The following MEP1A variants were observed in gnomAD, a reference collection of about 807,000 sequenced individuals.
MEP1A encodes N-benzoyl-L-tyrosyl-P-amino-benzoic acid hydrolase subunit alpha.
In MEP1A, 68 loss-of-function variants were observed where a neutral mutation model predicts 84.5. The observed-to-expected ratio is 0.80, with a 90% confidence interval of 0.66 to 0.98. MEP1A has a LOEUF of 0.98. Ranked by LOEUF, MEP1A falls within the 50% of genes least tolerant of loss-of-function variation. The pLI, the probability that MEP1A is intolerant of heterozygous loss-of-function variation, is 0.00. For missense variants in MEP1A, 887 were observed against 919.9 expected (o/e 0.96, Z 0.46); for synonymous variants, 337 against 336.8 (o/e 1.00, Z -0.01).
rs140107189 is a variant in MEP1A, at chr6:46,829,485, G to A, written c.1058G>A (p.Ser353Asn). ...CLQFFYKMTGSPSDRLVVWVR... is the reference protein window; with the variant it reads ...CLQFFYKMTGNPSDRLVVWVR... ...CAATTTTTCTATAAAATGACGGGAA[G>A]TCCTTCAGACAGACTCGTTGTCTGG... Residue 353 changes from serine to asparagine, a missense_variant, in exon 10 of 14, where the codon AGT becomes AAT. By Grantham distance (46) the Ser-to-Asn change is conservative. Transcript: ENST00000230588. 1.2e-6 allele frequency: 2 copies of A among 1,614,096 alleles called. No individual in the cohort carries two copies. Among genetic ancestry groups the A allele is most frequent in the Non-Finnish European group, 1.7e-6 (2 of 1,180,038 alleles).
intron 6 of MEP1A, among the ~76,000 whole-genome samples, chr6:46,812,482 T>A (rs560603489): frequency 6.6e-6 from 1 of 152,186 alleles, no homozygotes; most frequent in East Asian, 1.9e-4. Context: ...TGTGCTCTGA[T>A]ATTTGTTGTT....
chr6:46,843,905 A>C (rs1768374962), downstream of MEP1A, among the ~76,000 whole-genome samples: 1 of 152,220 alleles, frequency 6.6e-6, no homozygotes, highest in Non-Finnish European at 1.5e-5. Context: ...TTAATAGCAG[A>C]ATCTATTATT....
intron 7 of MEP1A, among the ~76,000 whole-genome samples, chr6:46,820,945 C>T (rs1562111854): frequency 6.6e-6 from 1 of 152,032 alleles, no homozygotes; most frequent in South Asian, 2.1e-4. Context: ...CAAATAATAG[C>T]CTTGTGTAGG....
Position 46,839,144 on chromosome 6 carries a change from G to A in MEP1A, c.*8G>A, listed in dbSNP as rs1768281757. ...CAAAGGCCAAGGAAGTGACCTGCCT[G>A]CTGGCATTGGCCAGACCACAGCAGC... is the stretch of plus-strand genomic sequence containing the variant. On this transcript the variant is annotated 3_prime_UTR_variant, in exon 14 of 14. Coordinates refer to ENST00000230588, the MANE Select transcript of MEP1A (RefSeq NM_005588.3). 4 of 1,610,424 alleles carry A rather than the reference G, an allele frequency of 2.5e-6. No homozygotes were observed. Among genetic ancestry groups the A allele is most frequent in the African/African-American group, 2.7e-5 (2 of 74,848 alleles).
At chr6:46,822,364 G>A (rs1013011514) in intron 7 of MEP1A, among the ~76,000 whole-genome samples, 2 of 152,118 alleles carry the variant, frequency 1.3e-5, no homozygotes, top group African/African-American at 4.8e-5. Context: ...TCAGCTGTGA[G>A]TCCCTATCCT....
chr6:46,815,681 A>G (rs1243990964), intron 6 of MEP1A, among the ~76,000 whole-genome samples: 1 of 152,068 alleles, frequency 6.6e-6, no homozygotes, highest in African/African-American at 2.4e-5. Flanking sequence ...GTCTCCCTAC[A>G]CTGCTCTGTC....
rs73475007 is a variant in MEP1A at position 46,811,273 on chromosome 6, G to A, written c.380+1736G>A. Among the ~76,000 whole-genome samples, 1,212 of 152,064 alleles carry A rather than the reference G, an allele frequency of 8.0e-3. 10 individuals carry two copies. Among genetic ancestry groups the A allele is most frequent in the Middle Eastern group, 0.024 (7 of 294 alleles). On this transcript the variant is annotated intron_variant, in intron 6 of 13. Coordinates refer to ENST00000230588, the MANE Select transcript of MEP1A (RefSeq NM_005588.3). ...AGTTCTTGATTTGATTCTTAGCTTG[G>A]ACACTGTTGGTGTTTAGCAGAGCTA...
In MEP1A at chr6:46,829,587, C is replaced by T. The variant is rs750732250; in HGVS notation, c.1144+16C>T. On this transcript the variant is annotated intron_variant, in intron 10 of 13. Transcript: ENST00000230588. ...ACTTTTCAAGGTACTTAGAGGCATT[C>T]ACACGAGGAATGGATTGGGTTAAAA... is the stretch of plus-strand genomic sequence containing the variant. The T allele has an allele frequency of 1.9e-6, 3 of 1,594,586 alleles. No individual in the cohort carries two copies. In the South Asian group the frequency reaches 3.3e-5, roughly 18 times the overall value.
intron 10 of MEP1A, among the ~76,000 whole-genome samples, chr6:46,831,098 G>A (rs1768064757): frequency 6.6e-6 from 1 of 152,068 alleles, no homozygotes; most frequent in African/African-American, 2.4e-5. Context: ...GCCTGTGTAC[G>A]TTCCCTGGGA....
intron 5 of MEP1A, among the ~76,000 whole-genome samples, chr6:46,804,244 C>A (rs541681223): frequency 6.6e-6 from 1 of 151,538 alleles, no homozygotes; most frequent in South Asian, 2.1e-4. Context: ...TGAAAATGAT[C>A]TTTATTTTGC....
intron 6 of MEP1A, among the ~76,000 whole-genome samples, chr6:46,815,728 A>G (rs533151248): frequency 6.6e-6 from 1 of 152,206 alleles, no homozygotes; most frequent in African/African-American, 2.4e-5. Context: ...CTCATCCCCC[A>G]TCTTAATCCT....
chr6:46,798,889 A>G (rs1767127723), intron 4 of MEP1A, among the ~76,000 whole-genome samples: 1 of 152,202 alleles, frequency 6.6e-6, no homozygotes, highest in Non-Finnish European at 1.5e-5. Context: ...TTTTCTTGGG[A>G]TTGCAGGCCC....
At chr6:46,825,218 A>G in intron 7 of MEP1A, 54 bp from the exon 8 acceptor site, 1 of 1,185,376 alleles carries the variant, frequency 8.4e-7, no homozygotes. Context: ...GTCAAAGAGT[A>G]GCATGGGGAA....
chr6:46,843,086 A>T (rs746341427), downstream of MEP1A, among the ~76,000 whole-genome samples: 1 of 151,982 alleles, frequency 6.6e-6, no homozygotes, highest in Non-Finnish European at 1.5e-5. Context: ...AGATCTGTCA[A>T]CTCTACCTTA....
At chr6:46,813,685 T>C (rs923402102) in intron 6 of MEP1A, among the ~76,000 whole-genome samples, 4 of 152,150 alleles carry the variant, frequency 2.6e-5, no homozygotes, top group African/African-American at 9.6e-5. Flanking sequence ...TTTTGGTATA[T>C]TTTGAGGATT....
Position 46,804,208 on chromosome 6 carries a change from T to C in MEP1A, c.262+5027T>C, listed in dbSNP as rs1394164047. ...ACTTCTTATAAAGCAGATTTGTTGATGACAAATTCTGGTTTTTCTTTTACC... is the reference window on the plus strand; with the variant it reads ...ACTTCTTATAAAGCAGATTTGTTGACGACAAATTCTGGTTTTTCTTTTACC... On this transcript the variant is annotated intron_variant, in intron 5 of 13. Coordinates refer to ENST00000230588, the MANE Select transcript of MEP1A (RefSeq NM_005588.3). 2.6e-5 allele frequency among the ~76,000 whole-genome samples: 4 copies of C among 151,836 alleles called. No homozygotes were observed. The South Asian group carries it at 6.2e-4, about 24-fold the overall frequency.
At chr6:46,837,995 A>C (rs1293474227) in intron 13 of MEP1A, among the ~76,000 whole-genome samples, 1 of 151,614 alleles carries the variant, frequency 6.6e-6, no homozygotes, top group Non-Finnish European at 1.5e-5. Context: ...GGGTTCAAGC[A>C]ATTCTACTGC....
At chr6:46,807,407 T>C (rs952594191) in intron 5 of MEP1A, among the ~76,000 whole-genome samples, 3 of 150,992 alleles carry the variant, frequency 2.0e-5, no homozygotes, top group African/African-American at 7.3e-5. Flanking sequence ...ACTCAAGCCT[T>C]GGCCACCTAT....
chr6:46,807,822 A>AGAAG (rs1554189045), intron 5 of MEP1A, among the ~76,000 whole-genome samples: 23 of 150,322 alleles, frequency 1.5e-4, no homozygotes, highest in African/African-American at 5.7e-4. Context: ...AAAGAAAGAA[A>AGAAG]GAAAGAAAGA....
Sources: gnomAD v4.1 joint callset for allele counts (sites outside exome capture counted in the v4.1 genomes callset) on GRCh38, gnomAD v4.1.1 for gene constraint, MANE v1.5 for transcripts, NCBI Gene and HGNC (gene_info 2026-07-23, HGNC 2026-07-21) for gene names.